The following APLP1 variants were observed in gnomAD, a reference collection of about 807,000 sequenced individuals.
APLP1 encodes the protein amyloid beta precursor like protein 1.
In APLP1, 46 loss-of-function variants were observed where a neutral mutation model predicts 84.5. The observed-to-expected ratio is 0.54, with a 90% CI of 0.43 to 0.70. The LOEUF (loss-of-function observed/expected upper bound fraction) is 0.70, where lower values mean the gene tolerates loss of function less well. Among genes scored for constraint, APLP1 ranks in the 30% least tolerant of loss-of-function variants. APLP1 has a pLI of 0.00. For missense variants in APLP1, 826 were observed against 900.2 expected, an observed-to-expected ratio of 0.92 and a Z score of 1.05; for synonymous variants, 376 against 364.0, an observed-to-expected ratio of 1.03 and a Z score of -0.38.
intron 2 of APLP1, 35 bp downstream of exon 2, chr19:35,869,845 C>G: frequency 6.4e-7 from 1 of 1,554,192 alleles, no homozygotes; most frequent in South Asian, 1.2e-5. Context: ...CGGGGCCGCC[C>G]ATAGAAAGCT....
rs757958323 is a variant in APLP1 at position 35,874,785 on chromosome 19, G to A, written c.1260G>A (p.Glu420=). 1 of 1,613,522 alleles carries A rather than the reference G, an allele frequency of 6.2e-7. No individual in the cohort carries two copies. Among genetic ancestry groups the A allele is most frequent in the South Asian group, 1.1e-5 (1 of 91,080 alleles). ...CCCTGCGGCGCTACCTGCGTGCGGA[G>A]CAGAAGGAACAGAGGCACACGCTGC... ...LLALRRYLRA[E]QKEQRHTLRH... Residue 420 remains glutamate (E), a synonymous_variant, in exon 10 of 17, where the codon GAG becomes GAA. Transcript: ENST00000221891. The surrounding 1 kb of genome is among the most constrained non-coding windows in gnomAD (Gnocchi z 6.4).
rs530211623 is a variant in APLP1, at chr19:35,873,293, C to G, written c.982-346C>G. Among the ~76,000 whole-genome samples, 4 of 148,034 alleles carry G rather than the reference C, an allele frequency of 2.7e-5. No individual in the cohort carries two copies. In the Admixed American group the frequency reaches 2.7e-4, roughly 10 times the overall value. ...ACAGAGTTTCGCTCTGTTGCCCAGG[C>G]TAGAGTGCAGTGACGTGATCTCCCA... On this transcript the variant is annotated intron_variant, in intron 7 of 16. Coordinates refer to ENST00000221891, the MANE Select transcript of APLP1 (RefSeq NM_001024807.3).
intron 3 of APLP1, 50 bp downstream of exon 3, chr19:35,871,078 C>A: frequency 6.7e-7 from 1 of 1,498,808 alleles, no homozygotes; most frequent in South Asian, 1.3e-5. Flanking sequence ...TTCTGAGGGG[C>A]AAGGTTCTGA....
rs773059321 is a variant in APLP1 at position 35,873,632 on chromosome 19, T to C, written c.982-7T>C. 4 of 1,614,042 alleles carry C rather than the reference T, an allele frequency of 2.5e-6. No homozygotes were observed. In the South Asian group the frequency reaches 3.3e-5, roughly 13 times the overall value. ...TCTGGGATCCTGAAGCTCCCCTCCC[T>C]ATGCAGGTGATGCGTGAATGGGCCA... On this transcript the variant is annotated splice_polypyrimidine_tract_variant and splice_region_variant and intron_variant, in intron 7 of 16. Coordinates refer to ENST00000221891, the MANE Select transcript of APLP1 (RefSeq NM_001024807.3).
In APLP1 at chr19:35,879,329, C is replaced by T. The variant is rs1465330925; in HGVS notation, c.1858-14C>T. On this transcript the variant is annotated splice_polypyrimidine_tract_variant and intron_variant, in intron 16 of 16. Transcript: ENST00000221891. ...CCGCACCACACTGTCCTTTCCCTCC[C>T]CTGCTCGTTGCAGGTGGACCCCATG... 6.2e-7 allele frequency: 1 copy of T among 1,613,630 alleles called. No homozygotes were observed. Among genetic ancestry groups the T allele is most frequent in the Non-Finnish European group, 8.5e-7 (1 of 1,179,878 alleles).
intron 1 of APLP1, 32 bp from the exon 2 acceptor site, chr19:35,869,635 G>C: frequency 6.2e-7 from 1 of 1,608,244 alleles, no homozygotes; most frequent in Non-Finnish European, 8.5e-7. Flanking sequence ...AACGCCCCCC[G>C]AGCCCTCACT....
In APLP1 at chr19:35,879,457, C is replaced by A. The variant is rs770706831; in HGVS notation, c.*16C>A. ...ACGACCCTGACCCGGCCCCCTTCACCCCTTCAGCCGAGCCCAGACCTCCCC... is the reference window on the plus strand; with the variant it reads ...ACGACCCTGACCCGGCCCCCTTCACACCTTCAGCCGAGCCCAGACCTCCCC... On this transcript the variant is annotated 3_prime_UTR_variant, in exon 17 of 17. Coordinates refer to ENST00000221891, the MANE Select transcript of APLP1 (RefSeq NM_001024807.3). 2 of 1,610,944 alleles carry A rather than the reference C, an allele frequency of 1.2e-6. No individual in the cohort carries two copies. The highest frequency in any genetic ancestry group is 2.2e-5 in the East Asian group (1 of 44,874).
intron 10 of APLP1, among the ~76,000 whole-genome samples, chr19:35,875,441 T>G (rs1974261807): frequency 6.6e-6 from 1 of 151,862 alleles, no homozygotes; most frequent in Non-Finnish European, 1.5e-5. Flanking sequence ...TTCTCCTGCC[T>G]CAGCCTCCTG....
Position 35,869,719 on chromosome 19 carries a change from G to T in APLP1, c.200G>T (p.Arg67Leu). 1 of 1,611,740 alleles carries T rather than the reference G, an allele frequency of 6.2e-7. No individual in the cohort carries two copies. Among genetic ancestry groups the T allele is most frequent in the Non-Finnish European group, 8.5e-7 (1 of 1,179,530 alleles). ...CTATGCGGGCGCCTAACCCTTCACC[G>T]GGACCTGCGCACCGGCCGCTGGGAA... ...AGLCGRLTLH[R>L]DLRTGRWEPD... The change falls in exon 2 of 17, where the codon CGG becomes CTG. Residue 67 changes from arginine (R) to leucine (L), a missense_variant. This residue lies in a region of APLP1 where 383 missense variants were observed against 378.3 expected (regional missense o/e 1.01). Transcript: ENST00000221891.
In APLP1 at chr19:35,879,446, G is replaced by T. The variant is rs1158242854; in HGVS notation, c.*5G>T. Reference sequence around the variant, plus strand: ...TTCCTGGAGGAACGACCCTGACCCGGCCCCCTTCACCCCTTCAGCCGAGCC... The same window carrying T: ...TTCCTGGAGGAACGACCCTGACCCGTCCCCCTTCACCCCTTCAGCCGAGCC... On this transcript the variant is annotated 3_prime_UTR_variant, in exon 17 of 17. Transcript: ENST00000221891. The T allele has an allele frequency of 6.2e-7, 1 of 1,612,292 alleles. No individual in the cohort carries two copies. Among genetic ancestry groups the T allele is most frequent in the Non-Finnish European group, 8.5e-7 (1 of 1,179,746 alleles).
Position 35,868,768 on chromosome 19 carries a change from C to A in APLP1, c.132C>A (p.Ser44Arg). ...CCATCGGGAGCCTGGCCGGTGGGAG[C>A]CCCGGCGCGGCCGAGGTGAGGCCGG... ...QPAIGSLAGG[S>R]PGAAEAPGSA... The change falls in exon 1 of 17, where the codon AGC becomes AGA. Residue 44 changes from serine (S) to arginine (R), a missense_variant. By Grantham distance (110) the Ser-to-Arg change is moderately radical (BLOSUM62 -1). Transcript: ENST00000221891. The surrounding 1 kb of genome is among the most constrained non-coding windows in gnomAD (Gnocchi z 5.2). 1 of 1,327,556 alleles carries A rather than the reference C, an allele frequency of 7.5e-7. No individual in the cohort carries two copies. Among genetic ancestry groups the A allele is most frequent in the Non-Finnish European group, 9.6e-7 (1 of 1,042,382 alleles). 82.2% of individuals were successfully genotyped at this position (1,327,556 alleles called of 1,614,324 possible).
Position 35,879,680 on chromosome 19 carries a change from G to T in APLP1, c.*239G>T. ...CTCCTCACCTTAATTTATTTTTTAA[G>T]TTTATTTATGGCTCTTTAAGGTGAC... On this transcript the variant is annotated 3_prime_UTR_variant, in exon 17 of 17. Transcript: ENST00000221891. 1 of 546,674 alleles carries T rather than the reference G, an allele frequency of 1.8e-6. No homozygotes were observed. Among genetic ancestry groups the T allele is most frequent in the Non-Finnish European group, 3.2e-6 (1 of 309,828 alleles). 33.9% of individuals were successfully genotyped at this position (546,674 alleles called of 1,614,324 possible).
chr19:35,868,753 C>T lies in APLP1; in HGVS notation c.117C>T (p.Ser39=). 7.4e-7 allele frequency: 1 copy of T among 1,356,806 alleles called. No homozygotes were observed. Among genetic ancestry groups the T allele is most frequent in the Non-Finnish European group, 9.4e-7 (1 of 1,058,306 alleles). The allele number at this position is 1,356,806 out of a possible 1,614,324, so 84.0% of individuals were successfully genotyped here. The change falls in exon 1 of 17, where the codon AGC becomes AGT. Residue 39 remains serine (S), a synonymous_variant. Transcript: ENST00000221891. This position sits in a 1 kb window ranked among gnomAD's most constrained non-coding sequence, Gnocchi z 5.2. ...TGCGCGCGCAGCCCGCCATCGGGAG[C>T]CTGGCCGGTGGGAGCCCCGGCGCGG... ...LLLRAQPAIG[S]LAGGSPGAAE...
rs751049170 is a variant in APLP1, at chr19:35,874,902, G to A, written c.1344+33G>A. The A allele has an allele frequency of 3.4e-5, 55 of 1,598,378 alleles. No homozygotes were observed. Among genetic ancestry groups the A allele is most frequent in the Non-Finnish European group, 4.5e-5 (53 of 1,177,348 alleles). ...CATCCTTCCAGCTCCCAAATGCGCC[G>A]CTATTCCTCAGACGCCCGCGCCTCA... On this transcript the variant is annotated intron_variant, in intron 10 of 16. Coordinates refer to ENST00000221891, the MANE Select transcript of APLP1 (RefSeq NM_001024807.3). The surrounding 1 kb of genome is among the most constrained non-coding windows in gnomAD (Gnocchi z 6.4).
intron 10 of APLP1, among the ~76,000 whole-genome samples, chr19:35,875,855 G>A (rs1599581374): frequency 6.6e-6 from 1 of 151,808 alleles, no homozygotes; most frequent in Non-Finnish European, 1.5e-5. Context: ...CTGACCTCAG[G>A]TGATCTGCCC....
In APLP1 at chr19:35,874,176, C is replaced by T. The variant is rs1456182645; in HGVS notation, c.1057-328C>T. 1.3e-5 allele frequency among the ~76,000 whole-genome samples: 2 copies of T among 152,216 alleles called. No homozygotes were observed. The highest frequency in any genetic ancestry group is 2.9e-5 in the Non-Finnish European group (2 of 68,046). The stretch of plus-strand genomic sequence containing the variant: ...CCACCCCTATCGTGTCATTTATACA[C>T]AGCCTGTCTCCAGTTTGACCCTGCC... On this transcript the variant is annotated intron_variant, in intron 8 of 16. Transcript: ENST00000221891. This position sits in a 1 kb window ranked among gnomAD's most constrained non-coding sequence, Gnocchi z 6.4.
chr19:35,874,990 A>G lies in APLP1; in HGVS notation c.1344+121A>G, dbSNP rs1338379344. ...TTGGACCCCTTCCTATCCCCTGAACACCGCTTCTCTGCCCCTTCCCAGTCT... is the reference window on the plus strand; with the variant it reads ...TTGGACCCCTTCCTATCCCCTGAACGCCGCTTCTCTGCCCCTTCCCAGTCT... On this transcript the variant is annotated intron_variant, in intron 10 of 16. Coordinates refer to ENST00000221891, the MANE Select transcript of APLP1 (RefSeq NM_001024807.3). The surrounding 1 kb of genome is among the most constrained non-coding windows in gnomAD (Gnocchi z 6.4). The G allele has an allele frequency of 3.0e-6, 4 of 1,351,266 alleles. No individual in the cohort carries two copies. The highest frequency in any genetic ancestry group is 2.6e-4 in the Middle Eastern group (1 of 3,800). 83.7% of individuals were successfully genotyped at this position (1,351,266 alleles called of 1,614,324 possible).
rs139012099 is a variant in APLP1 at position 35,873,440 on chromosome 19, G to A, written c.982-199G>A. Among the ~76,000 whole-genome samples, 459 of 151,324 alleles carry A rather than the reference G, an allele frequency of 3.0e-3. 9 individuals carry two copies. In the East Asian group the frequency reaches 0.072, roughly 24 times the overall value. On this transcript the variant is annotated intron_variant, in intron 7 of 16. Transcript: ENST00000221891. ...TTTTTTCTGTTTTCAGTAGAGACAGGGTTTCACCATGTTAGCCAGGATGGC... is the reference window on the plus strand; with the variant it reads ...TTTTTTCTGTTTTCAGTAGAGACAGAGTTTCACCATGTTAGCCAGGATGGC...
chr19:35,878,910 G>C lies in APLP1; in HGVS notation c.1671G>C (p.Arg557Ser). The C allele has an allele frequency of 6.2e-7, 1 of 1,614,112 alleles. No homozygotes were observed. Among genetic ancestry groups the C allele is most frequent in the African/African-American group, 1.3e-5 (1 of 75,024 alleles). The change falls in exon 15 of 17, where the codon AGG becomes AGC. Residue 557 changes from arginine (R) to serine (S), a missense_variant. By Grantham distance (110) the Arg-to-Ser change is moderately radical (BLOSUM62 -1). This residue lies in a region of APLP1 where 433 missense variants were observed against 496.5 expected (regional missense o/e 0.87). Transcript: ENST00000221891. ...YERKVNASVP[R>S]GFPFHSSEIQ... ...CCCAGGTGAATGCGTCTGTTCCAAG[G>C]GGTTTCCCTTTCCACTCATCGGAGA...
Sources: gnomAD v4.1 joint callset for allele counts (sites outside exome capture counted in the v4.1 genomes callset) on GRCh38, gnomAD v4.1.1 for gene constraint, gnomAD v4.1.1 regional missense constraint, Gnocchi (gnomAD v3.1) non-coding constraint, MANE v1.5 for transcripts, NCBI Gene and HGNC (gene_info 2026-07-23, HGNC 2026-07-21) for gene names.